The following TBC1D14 variants were observed in gnomAD, a reference collection of about 807,000 sequenced individuals.
TBC1D14 encodes TBC1 domain family member 14.
TBC1D14 carries 26 observed loss-of-function variants against 79.0 expected under a neutral mutation model. The observed-to-expected ratio is 0.33, with a 90% CI of 0.24 to 0.46. The LOEUF is 0.46. Among genes scored for constraint, TBC1D14 ranks in the 20% least tolerant of loss-of-function variants. The probability of loss-of-function intolerance (pLI) is 1.00; values close to 1 mark genes in which losing one functional copy is unlikely to be tolerated. For synonymous variants in TBC1D14, 394 were observed against 349.9 expected (o/e 1.13, Z -1.40); for missense variants, 769 against 887.6 (o/e 0.87, Z 1.70).
intron 3 of TBC1D14, among the ~76,000 whole-genome samples, chr4:6,979,949 A>G (rs1717216318): frequency 6.6e-6 from 1 of 152,244 alleles, no homozygotes; most frequent in African/African-American, 2.4e-5. Flanking sequence ...GGACACGTCC[A>G]CATTTATAAT....
At chr4:7,029,826 A>G (rs555490817) in intron 13 of TBC1D14, among the ~76,000 whole-genome samples, 4 of 152,192 alleles carry the variant, frequency 2.6e-5, no homozygotes, top group Non-Finnish European at 5.9e-5. Context: ...CTCCATCTCA[A>G]AAAGAAGAAA....
At chr4:7,007,242 A>T (rs758852193) in intron 9 of TBC1D14, among the ~76,000 whole-genome samples, 17 of 152,166 alleles carry the variant, frequency 1.1e-4, no homozygotes, top group Non-Finnish European at 2.2e-4. Context: ...CAGCTGAGGG[A>T]CAGAAGCCTG....
chr4:7,003,053 A>G (rs1217168113), intron 7 of TBC1D14, among the ~76,000 whole-genome samples: 3 of 152,258 alleles, frequency 2.0e-5, no homozygotes, highest in Admixed American at 1.3e-4. Context: ...TGGTTGTACA[A>G]TTGAAAACTT....
chr4:7,001,477 G>C (rs969211036), intron 7 of TBC1D14: 15 of 504,132 alleles, frequency 3.0e-5, no homozygotes, highest in African/African-American at 1.5e-4. Flanking sequence ...AATAGAGGGG[G>C]CTTGGAAGAC....
chr4:6,980,469 G>A (rs1373260048), intron 3 of TBC1D14, among the ~76,000 whole-genome samples: 2 of 152,132 alleles, frequency 1.3e-5, no homozygotes, highest in Admixed American at 6.5e-5. Context: ...TCTACCTGAA[G>A]AAAGTATAAA....
chr4:6,989,732 C>T (rs1718294981), intron 3 of TBC1D14, among the ~76,000 whole-genome samples: 1 of 152,116 alleles, frequency 6.6e-6, no homozygotes. Context: ...TCCCTCTTGC[C>T]CTGCATGCTG....
intron 12 of TBC1D14, among the ~76,000 whole-genome samples, chr4:7,024,784 G>A (rs1056902454): frequency 3.9e-5 from 6 of 152,328 alleles, no homozygotes; most frequent in South Asian, 2.1e-4. Context: ...TCAGTCATTC[G>A]GAAGCTGTGT....
chr4:7,028,026 A>G (rs1303992026), intron 13 of TBC1D14, among the ~76,000 whole-genome samples: 1 of 124,970 alleles, frequency 8.0e-6, no homozygotes, highest in Non-Finnish European at 1.6e-5. Flanking sequence ...ACCCACACAT[A>G]CATGCACACA....
intron 3 of TBC1D14, among the ~76,000 whole-genome samples, chr4:6,986,448 A>G (rs972671137): frequency 2.0e-5 from 3 of 152,226 alleles, no homozygotes; most frequent in African/African-American, 7.2e-5. Context: ...AGTCTTTGCT[A>G]TCACTTGCCA....
At chr4:6,960,871 T>G (rs1463490304) in intron 2 of TBC1D14, among the ~76,000 whole-genome samples, 1 of 152,118 alleles carries the variant, frequency 6.6e-6, no homozygotes. Context: ...CTGGTAACAG[T>G]GCGGAGGAGG....
At position 7,014,529 on chromosome 4, in the gene TBC1D14, C is replaced by A; in HGVS notation, c.1729C>A (p.Leu577Ile). The A allele has an allele frequency of 6.2e-7, 1 of 1,613,420 alleles. No individual in the cohort carries two copies. Among genetic ancestry groups the A allele is most frequent in the South Asian group, 1.1e-5 (1 of 91,052 alleles). ...KLFAHFKKNN[L>I]TPDIYLIDWI... ...ATTTGCGCATTTCAAGAAGAACAAC[C>A]TAACTCCAGATATCTACCTAATTGA... The change falls in exon 12 of 14, where the codon CTA becomes ATA. Residue 577 changes from leucine to isoleucine, a missense_variant. Around this residue, in one of 2 missense-constraint regions of TBC1D14, gnomAD observed 367 missense variants for 494.4 expected, o/e 0.74. Coordinates refer to ENST00000409757, the MANE Select transcript of TBC1D14 (RefSeq NM_020773.3).
At chr4:6,954,473 C>A in intron 2 of TBC1D14, 1 of 696,154 alleles carries the variant, frequency 1.4e-6, no homozygotes, top group Non-Finnish European at 2.7e-6. Context: ...GTGGGTCTCC[C>A]CCGGTGTGAA....
chr4:6,939,643 C>T (rs887825965), intron 2 of TBC1D14, among the ~76,000 whole-genome samples: 3 of 151,722 alleles, frequency 2.0e-5, no homozygotes, highest in Non-Finnish European at 2.9e-5. Context: ...AATCAAAGCA[C>T]CCAACGGCAA....
chr4:7,024,119 A>C (rs1004381521), intron 12 of TBC1D14, among the ~76,000 whole-genome samples: 7 of 152,184 alleles, frequency 4.6e-5, no homozygotes, highest in Admixed American at 1.3e-4. Flanking sequence ...TGTGGGCAGA[A>C]CCCATGCCCC....
chr4:6,961,572 A>G (rs1362399739), intron 2 of TBC1D14, among the ~76,000 whole-genome samples: 1 of 152,122 alleles, frequency 6.6e-6, no homozygotes, highest in Non-Finnish European at 1.5e-5. Context: ...CTTAATGGGC[A>G]GAGGGAGCAG....
intron 3 of TBC1D14, among the ~76,000 whole-genome samples, chr4:6,993,255 A>G (rs899486004): frequency 6.6e-5 from 10 of 152,206 alleles, no homozygotes; most frequent in Admixed American, 3.3e-4. Flanking sequence ...TTAATTATCT[A>G]TAATCATCTT....
chr4:6,953,616 C>A, intron 2 of TBC1D14, among the ~76,000 whole-genome samples: 1 of 115,236 alleles, frequency 8.7e-6, no homozygotes, highest in South Asian at 2.9e-4. Flanking sequence ...TGGGCGACAG[C>A]GAGACTCCGT....
At chr4:7,000,847 C>T (rs897326543) in intron 6 of TBC1D14, among the ~76,000 whole-genome samples, 2 of 152,206 alleles carry the variant, frequency 1.3e-5, no homozygotes, top group Admixed American at 1.3e-4. Context: ...TCAGAAAGTC[C>T]TCCCCATCCT....
At chr4:6,918,497 C>G (rs893824520) in intron 1 of TBC1D14, among the ~76,000 whole-genome samples, 5 of 152,216 alleles carry the variant, frequency 3.3e-5, no homozygotes, top group African/African-American at 1.2e-4. Flanking sequence ...TTGCCAATGC[C>G]TTCAGCAGAC....
Sources: allele counts gnomAD v4.1 joint callset (sites outside exome capture counted in the v4.1 genomes callset), GRCh38; gene constraint gnomAD v4.1.1; regional missense constraint gnomAD v4.1.1; transcripts MANE v1.5; gene names NCBI Gene and HGNC (gene_info 2026-07-23, HGNC 2026-07-21).